CPNE7: variants seen among roughly 807,000 people sequenced by gnomAD.
CPNE7 encodes copine-7.
A neutral mutation model predicts 66.5 loss-of-function variants in CPNE7; 78 were observed. The observed-to-expected ratio is 1.17, with a 90% CI of 0.98 to 1.42. The LOEUF (loss-of-function observed/expected upper bound fraction) is 1.42, where lower values mean the gene tolerates loss of function less well. Among genes scored for constraint, CPNE7 ranks in the 40% most tolerant of loss-of-function variants. The probability of loss-of-function intolerance (pLI) is 0.00; values close to 1 mark genes in which losing one functional copy is unlikely to be tolerated. For synonymous variants in CPNE7, 468 were observed against 336.7 expected (o/e 1.39, Z -4.27); for missense variants, 1,012 against 776.6 (o/e 1.30, Z -3.60).
chr16:89,580,434 A>AGAACATCTCACCCATCACACG (rs1597694888), intron 2 of CPNE7, among the ~76,000 whole-genome samples: 1 of 65,444 alleles, frequency 1.5e-5, no homozygotes, highest in East Asian at 4.9e-4. Context: ...CCCATCACAC[A>AGAACATCTCACCCATCACACG]GAACATCTCA....
At chr16:89,595,706 G>C in intron 14 of CPNE7, 103 bp downstream of exon 14, 1 of 1,050,580 alleles carries the variant, frequency 9.5e-7, no homozygotes, top group Non-Finnish European at 1.5e-6. Context: ...GGATGTGGCA[G>C]GTCCCTTCTT....
intron 2 of CPNE7, among the ~76,000 whole-genome samples, chr16:89,582,485 G>T (rs1041722617): frequency 6.6e-6 from 1 of 152,214 alleles, no homozygotes; most frequent in East Asian, 1.9e-4. Flanking sequence ...GCCGGCAGGC[G>T]AGTCCCAGGT....
rs573901053 is a variant in CPNE7 at position 89,587,089 on chromosome 16, A to G, written c.914A>G (p.Gln305Arg). 43 of 1,568,240 alleles carry G rather than the reference A, an allele frequency of 2.7e-5. No homozygotes were observed. In the South Asian group the frequency reaches 4.7e-4, roughly 17 times the overall value. Residue 305 changes from glutamine to arginine, a missense_variant, in exon 9 of 15, where the codon CAG (glutamine) becomes CGG (arginine). Physicochemically the swap from Gln to Arg is conservative, Grantham distance 43. Transcript: ENST00000319518. ...CTGGACTATATCATGGGCGGCTGCCAGATCCACTTCACCGTGAGTCCATGG... is the reference window on the plus strand; with the variant it reads ...CTGGACTATATCATGGGCGGCTGCCGGATCCACTTCACCGTGAGTCCATGG... ...SFLDYIMGGC[Q>R]IHFTVAIDFT...
At chr16:89,590,926 G>A in intron 11 of CPNE7, 81 bp from the exon 12 acceptor site, 3 of 1,498,334 alleles carry the variant, frequency 2.0e-6, no homozygotes, top group African/African-American at 1.4e-5. Context: ...TGGGGACGGG[G>A]GGAGCAGCTG....
At chr16:89,583,943 G>A in intron 3 of CPNE7, 85 bp from the exon 4 acceptor site, 1 of 1,543,792 alleles carries the variant, frequency 6.5e-7, no homozygotes, top group South Asian at 1.1e-5. Context: ...GCTGGGTGGG[G>A]TCAGCCAGCC....
At chr16:89,583,431 A>G (rs780696702) in intron 2 of CPNE7, 1 of 1,549,562 alleles carries the variant, frequency 6.5e-7, no homozygotes, top group Non-Finnish European at 8.7e-7. Context: ...CTGTTTCCTC[A>G]CCTGGTAAAT....
At position 89,595,547 on chromosome 16, in the gene CPNE7, G is replaced by A. The variant is rs761304929; in HGVS notation, c.1483G>A (p.Gly495Ser). Residue 495 changes from glycine to serine, a missense_variant, in exon 14 of 15, where the codon GGT (glycine) becomes AGT (serine). Coordinates refer to ENST00000319518, the MANE Select transcript of CPNE7 (RefSeq NM_153636.3). ...GDDGVLRSPR[G>S]EPALRDIVQF... Reference sequence around the variant, plus strand: ...CGACGGCGTCCTGCGCTCCCCACGGGGTGAGCCCGCGCTCCGGGACATCGT... The same window carrying A: ...CGACGGCGTCCTGCGCTCCCCACGGAGTGAGCCCGCGCTCCGGGACATCGT... 1 of 1,612,268 alleles carries A rather than the reference G, an allele frequency of 6.2e-7. No individual in the cohort carries two copies. Among genetic ancestry groups the A allele is most frequent in the East Asian group, 2.2e-5 (1 of 44,856 alleles).
chr16:89,577,743 AGGGAGGAGGACGGTT>A, intron 2 of CPNE7, 22 bp downstream of exon 2: 21 of 1,566,692 alleles, frequency 1.3e-5, no homozygotes, highest in Non-Finnish European at 1.8e-5. Flanking sequence ...GTCCCCTCGG[AGGGAGGAGGACGGTT>A]GGCGTGGGGG....
At chr16:89,583,414 C>G in intron 2 of CPNE7, 1 of 1,544,848 alleles carries the variant, frequency 6.5e-7, no homozygotes, top group Non-Finnish European at 8.8e-7. Flanking sequence ...CTGGCTTCCA[C>G]CTGAGCCTGT....
Position 89,589,945 on chromosome 16 carries a change from G to A in CPNE7, c.1110G>A (p.Lys370=), listed in dbSNP as rs1310401714. 1.9e-6 allele frequency: 3 copies of A among 1,613,522 alleles called. No individual in the cohort carries two copies. The highest frequency in any genetic ancestry group is 2.5e-6 in the Non-Finnish European group (3 of 1,179,978). Residue 370 remains lysine (K), a synonymous_variant, in exon 11 of 15, where the codon AAG becomes AAA. Coordinates refer to ENST00000319518, the MANE Select transcript of CPNE7 (RefSeq NM_153636.3). ...GGTTTGGAGCCCGGATCCCTCCCAA[G>A]TATGAGGTAGGAGAGCCCAGAACCT... is the stretch of plus-strand genomic sequence containing the variant. The part of the protein sequence containing the change: ...ALGFGARIPP[K]YEVSHDFAIN...
At chr16:89,592,731 C>G (rs907741478) in intron 13 of CPNE7, among the ~76,000 whole-genome samples, 1 of 151,112 alleles carries the variant, frequency 6.6e-6, no homozygotes, top group African/African-American at 2.4e-5. Context: ...AGTGAGCCAC[C>G]GCGCCCAGCC....
chr16:89,583,540 C>T (rs2058988337), intron 2 of CPNE7, 157 bp from the exon 3 acceptor site: 1 of 1,576,244 alleles, frequency 6.3e-7, no homozygotes, highest in Non-Finnish European at 8.6e-7. Flanking sequence ...TGCTTGAGAG[C>T]AGCCACAAAG....
At chr16:89,588,928 GGTTT>G in intron 10 of CPNE7, 120 bp downstream of exon 10, 11 of 1,263,172 alleles carry the variant, frequency 8.7e-6, no homozygotes, top group Non-Finnish European at 5.5e-6. Context: ...GCACCCGGCC[GGTTT>G]TCCCTCACCC....
chr16:89,582,598 C>T (rs1364912751), intron 2 of CPNE7, among the ~76,000 whole-genome samples: 1 of 152,206 alleles, frequency 6.6e-6, no homozygotes, highest in Non-Finnish European at 1.5e-5. Flanking sequence ...CCCAGGACCC[C>T]TTTGCACCCC....
Position 89,587,079 on chromosome 16 carries a change from G to A in CPNE7, c.904G>A (p.Gly302Ser). The change falls in exon 9 of 15, where the codon GGC becomes AGC. Residue 302 changes from glycine (G) to serine (S), a missense_variant. By Grantham distance (56) the Gly-to-Ser change is moderately conservative. Coordinates refer to ENST00000319518, the MANE Select transcript of CPNE7 (RefSeq NM_153636.3). ...GTACTCCTTCCTGGACTATATCATG[G>A]GCGGCTGCCAGATCCACTTCACCGT... ...RVYSFLDYIM[G>S]GCQIHFTVAI... 1.3e-6 allele frequency: 2 copies of A among 1,574,568 alleles called. No homozygotes were observed. Among genetic ancestry groups the A allele is most frequent in the Non-Finnish European group, 1.7e-6 (2 of 1,160,496 alleles).
At chr16:89,588,921 C>G (rs1203389111) in intron 10 of CPNE7, 113 bp downstream of exon 10, 4 of 1,375,572 alleles carry the variant, frequency 2.9e-6, no homozygotes. Flanking sequence ...GACAGGTGCA[C>G]CCGGCCGGTT....
At chr16:89,585,359 G>C in intron 5 of CPNE7, 105 bp from the exon 6 acceptor site, 2 of 788,608 alleles carry the variant, frequency 2.5e-6, no homozygotes, top group Non-Finnish European at 4.3e-6. Flanking sequence ...CAGGGGCAGG[G>C]CCAGCTGTGC....
At chr16:89,582,907 C>T (rs1398816829) in intron 2 of CPNE7, among the ~76,000 whole-genome samples, 1 of 152,258 alleles carries the variant, frequency 6.6e-6, no homozygotes, top group East Asian at 1.9e-4. Flanking sequence ...GGCCACCCCG[C>T]TTGGCCGGGG....
rs758872120 is a variant in CPNE7 at position 89,589,895 on chromosome 16, A to G, written c.1062-2A>G. 2 of 1,613,734 alleles carry G rather than the reference A, an allele frequency of 1.2e-6. No homozygotes were observed. Among genetic ancestry groups the G allele is most frequent in the Non-Finnish European group, 8.5e-7 (1 of 1,179,948 alleles). ...CCTGGTGACCTCCTGCCTCTCTTCC[A>G]GTGACAAGAGGTTTTCCGCTTTGGG... is the stretch of plus-strand genomic sequence containing the variant. On this transcript the variant is annotated splice_acceptor_variant, in intron 10 of 14. Coordinates refer to ENST00000319518, the MANE Select transcript of CPNE7 (RefSeq NM_153636.3). LOFTEE classifies it high-confidence loss of function.
Sources: gnomAD v4.1 joint callset for allele counts (sites outside exome capture counted in the v4.1 genomes callset) on GRCh38, gnomAD v4.1.1 for gene constraint, MANE v1.5 for transcripts, NCBI Gene and HGNC (gene_info 2026-07-23, HGNC 2026-07-21) for gene names.